ADK: variants seen among roughly 807,000 people sequenced by gnomAD.
The protein encoded by ADK is N6,N6-dimethyladenosine kinase.
In ADK, 24 loss-of-function variants were observed where a neutral mutation model predicts 44.7. The ratio of observed to expected loss-of-function variants is 0.54; its 90% confidence interval spans 0.39 to 0.76. ADK has a LOEUF of 0.76. Among genes scored for constraint, ADK ranks in the 30% least tolerant of loss-of-function variants. ADK has a pLI of 0.00. For synonymous variants in ADK, 128 were observed against 142.6 expected, an observed-to-expected ratio of 0.90 and a Z score of 0.73; for missense variants, 321 against 425.1, an observed-to-expected ratio of 0.76 and a Z score of 2.15.
intron 7 of ADK, among the ~76,000 whole-genome samples, chr10:74,578,060 CACACCTTG>C (rs1851255583): frequency 6.6e-6 from 1 of 152,006 alleles, no homozygotes; most frequent in Non-Finnish European, 1.5e-5. Context: ...CAATGATTAT[CACACCTTG>C]ACAACTTGGG....
rs535353878 is a variant in ADK at position 74,612,966 on chromosome 10, A to G, written c.877+12473A>G. Reference sequence around the variant, plus strand: ...TTGTGGGTTTACTTCTGGGTTCTCTATTTTGTTCCATTGATCTATGTGTCT... The same window carrying G: ...TTGTGGGTTTACTTCTGGGTTCTCTGTTTTGTTCCATTGATCTATGTGTCT... On this transcript the variant is annotated intron_variant, in intron 9 of 10. Transcript: ENST00000539909. Among the ~76,000 whole-genome samples, 8 of 151,944 alleles carry G rather than the reference A, an allele frequency of 5.3e-5. No individual in the cohort carries two copies. The South Asian group carries it at 1.7e-3, about 32-fold the overall frequency.
rs184835504 is a variant in ADK at position 74,294,592 on chromosome 10, T to G, written c.195-20075T>G. On this transcript the variant is annotated intron_variant, in intron 3 of 10. Coordinates refer to ENST00000539909, the MANE Select transcript of ADK (RefSeq NM_006721.4). Reference sequence around the variant, plus strand: ...GTGAGCCACCACCCCTGGCCCAAAGTGTTATCTTTAGAACAGCAGAAATGG... The same window carrying G: ...GTGAGCCACCACCCCTGGCCCAAAGGGTTATCTTTAGAACAGCAGAAATGG... 2.3e-4 allele frequency among the ~76,000 whole-genome samples: 35 copies of G among 152,122 alleles called. 1 individual carries two copies. The highest frequency in any genetic ancestry group is 6.8e-3 in the Middle Eastern group (2 of 294).
chr10:74,547,125 T>C (rs1249638712), intron 7 of ADK, among the ~76,000 whole-genome samples: 1 of 152,148 alleles, frequency 6.6e-6, no homozygotes, highest in Non-Finnish European at 1.5e-5. Context: ...TACAGAGTTC[T>C]CTCCTACTAC....
intron 3 of ADK, among the ~76,000 whole-genome samples, chr10:74,255,587 A>G (rs1456656381): frequency 6.6e-6 from 1 of 152,186 alleles, no homozygotes; most frequent in Non-Finnish European, 1.5e-5. Context: ...CATTCTTAGA[A>G]TTTCTCATAG....
chr10:74,589,891 G>A (rs1851658373), intron 8 of ADK, among the ~76,000 whole-genome samples: 1 of 151,910 alleles, frequency 6.6e-6, no homozygotes, highest in South Asian at 2.1e-4. Context: ...GGGAGACGGA[G>A]GTAGCATAAA....
intron 4 of ADK, among the ~76,000 whole-genome samples, chr10:74,341,527 C>CA (rs35233016): frequency 0.11 from 6,932 of 60,800 alleles, 470 homozygotes; most frequent in African/African-American, 0.27. Context: ...GACTCCGTCT[C>CA]AAAAAAAAAA....
In ADK at chr10:74,291,331, G is replaced by A. The variant is rs185649314; in HGVS notation, c.195-23336G>A. On this transcript the variant is annotated intron_variant, in intron 3 of 10. Transcript: ENST00000539909. ...ACTCGGGAGGCTGAGGCAGGAGAAT[G>A]GCGTGAACCCAGGAGGTGGAGCTTG... 1.4e-3 allele frequency among the ~76,000 whole-genome samples: 218 copies of A among 152,194 alleles called. 1 individual carries two copies. The highest frequency in any genetic ancestry group is 4.7e-3 in the African/African-American group (196 of 41,532).
chr10:74,224,543 C>A lies in ADK; in HGVS notation c.146C>A (p.Ser49Tyr). Residue 49 changes from serine (S) to tyrosine (Y), a missense_variant, in exon 3 of 11, where the codon TCT becomes TAT. Coordinates refer to ENST00000539909, the MANE Select transcript of ADK (RefSeq NM_006721.4). ...VVDKDFLDKY[S>Y]LKPNDQILAE... The stretch of plus-strand genomic sequence containing the variant: ...TTTTCGTTTCTGTTATACAGGTATT[C>A]TCTGAAACCAAATGACCAAATCTTG... The A allele has an allele frequency of 6.2e-7, 1 of 1,613,376 alleles. No individual in the cohort carries two copies. Among genetic ancestry groups the A allele is most frequent in the Non-Finnish European group, 8.5e-7 (1 of 1,179,552 alleles).
At chr10:74,212,336 A>G (rs1843847244) in intron 2 of ADK, among the ~76,000 whole-genome samples, 1 of 152,200 alleles carries the variant, frequency 6.6e-6, no homozygotes, top group South Asian at 2.1e-4. Flanking sequence ...TTTGGAGCAT[A>G]TGTTTTATGG....
chr10:74,634,771 C>A (rs1853566416), intron 9 of ADK, among the ~76,000 whole-genome samples: 1 of 151,784 alleles, frequency 6.6e-6, no homozygotes, highest in Non-Finnish European at 1.5e-5. Context: ...ATGGTGAAAC[C>A]CCGTCTCTAC....
chr10:74,323,631 C>T (rs1162899634), intron 4 of ADK, among the ~76,000 whole-genome samples: 5 of 150,102 alleles, frequency 3.3e-5, no homozygotes, highest in African/African-American at 1.2e-4. Context: ...AGTGCAGTGG[C>T]GCGATCTTGG....
intron 7 of ADK, among the ~76,000 whole-genome samples, chr10:74,553,091 A>C (rs1850091484): frequency 6.6e-6 from 1 of 151,408 alleles, no homozygotes; most frequent in Non-Finnish European, 1.5e-5. Context: ...CATTTACCTG[A>C]GAAGAACAAA....
intron 4 of ADK, among the ~76,000 whole-genome samples, chr10:74,348,786 A>C (rs1841862136): frequency 6.6e-6 from 1 of 151,638 alleles, no homozygotes; most frequent in Non-Finnish European, 1.5e-5. Context: ...CAATAGCCAA[A>C]TCGATCAAGC....
At chr10:74,373,053 A>G (rs1372911992) in intron 4 of ADK, among the ~76,000 whole-genome samples, 1 of 152,146 alleles carries the variant, frequency 6.6e-6, no homozygotes, top group African/African-American at 2.4e-5. Flanking sequence ...CTGTCTTTCT[A>G]TAAGTGTGCC....
At position 74,619,012 on chromosome 10, in the gene ADK, T is replaced by TTGTGTGTGTG. The variant is rs56168944; in HGVS notation, c.877+18557_877+18566dup. Among the ~76,000 whole-genome samples, 1,291 of 139,432 alleles carry TTGTGTGTGTG rather than the reference T, an allele frequency of 9.3e-3. 14 individuals are homozygous for TTGTGTGTGTG. Among genetic ancestry groups the TTGTGTGTGTG allele is most frequent in the African/African-American group, 0.023 (850 of 36,914 alleles). The allele number at this position is 139,432 out of a possible 152,430, so 91.5% of individuals were successfully genotyped here. On this transcript the variant is annotated intron_variant, in intron 9 of 10. Transcript: ENST00000539909. Reference sequence around the variant, plus strand: ...GTATCCCATATGCCTTTTATGCTCTTTGTGTGTGTGTGTGTGTGTGTGTGT... The same window carrying TTGTGTGTGTG: ...GTATCCCATATGCCTTTTATGCTCTTTGTGTGTGTGTGTGTGTGTGTGTGTGTGTGTGTGT...
At chr10:74,163,976 A>G (rs1374195129) in intron 1 of ADK, among the ~76,000 whole-genome samples, 1 of 152,226 alleles carries the variant, frequency 6.6e-6, no homozygotes, top group African/African-American at 2.4e-5. Context: ...TTGAAGATTG[A>G]AGCCATTAAG....
chr10:74,593,756 C>T (rs142236375), intron 8 of ADK, among the ~76,000 whole-genome samples: 4 of 152,290 alleles, frequency 2.6e-5, no homozygotes, highest in African/African-American at 9.6e-5. Context: ...TGGTTTTCTA[C>T]AGAACTAGGT....
chr10:74,369,777 A>G (rs1231389086), intron 4 of ADK, among the ~76,000 whole-genome samples: 1 of 152,196 alleles, frequency 6.6e-6, no homozygotes, highest in Non-Finnish European at 1.5e-5. Flanking sequence ...ACTGTACTGC[A>G]GGTTCTAGCC....
chr10:74,597,293 A>G lies in ADK; in HGVS notation c.763-3086A>G, dbSNP rs574349417. Among the ~76,000 whole-genome samples the G allele has an allele frequency of 3.9e-5, 6 of 152,382 alleles. No homozygotes were observed. The East Asian group carries it at 1.2e-3, about 29-fold the overall frequency. On this transcript the variant is annotated intron_variant, in intron 8 of 10. Coordinates refer to ENST00000539909, the MANE Select transcript of ADK (RefSeq NM_006721.4). ...TTAGTCTTAGAAAAATTACAAAAAT[A>G]GTACAGAATTCCCACATACCCTTCA...
Sources: allele counts gnomAD v4.1 joint callset (sites outside exome capture counted in the v4.1 genomes callset), GRCh38; gene constraint gnomAD v4.1.1; transcripts MANE v1.5; gene names NCBI Gene and HGNC (gene_info 2026-07-23, HGNC 2026-07-21).